DDX10: variants seen among roughly 807,000 people sequenced by gnomAD.
DDX10 encodes probable ATP-dependent RNA helicase DDX10.
DDX10 carries 74 observed loss-of-function variants against 104.3 expected under a neutral mutation model. The ratio of observed to expected loss-of-function variants is 0.71; its 90% CI spans 0.59 to 0.86. DDX10 has a LOEUF of 0.86. Among genes scored for constraint, DDX10 ranks in the 40% least tolerant of loss-of-function variants. The probability of loss-of-function intolerance (pLI) is 0.00; values close to 1 mark genes in which losing one functional copy is unlikely to be tolerated. For synonymous variants in DDX10, 351 were observed against 353.4 expected, an observed-to-expected ratio of 0.99 and a Z score of 0.08; for missense variants, 952 against 1,040.0, an observed-to-expected ratio of 0.92 and a Z score of 1.16.
chr11:108,920,260 T>G (rs1863805731), intron 17 of DDX10: 1 of 152,226 alleles, frequency 6.6e-6, no homozygotes, highest in African/African-American at 2.4e-5. Flanking sequence ...CATCTTAACT[T>G]AAAGACAAGG....
chr11:108,902,373 T>G (rs1863527779), intron 16 of DDX10, among the ~76,000 whole-genome samples: 2 of 152,152 alleles, frequency 1.3e-5, no homozygotes, highest in South Asian at 4.1e-4. Context: ...AACATACCTT[T>G]GGATTTCTTA....
At chr11:108,671,169 G>A (rs1208190709) in intron 1 of DDX10, among the ~76,000 whole-genome samples, 3 of 152,082 alleles carry the variant, frequency 2.0e-5, no homozygotes, top group African/African-American at 7.2e-5. Context: ...GAAGGAGAAA[G>A]AGTTATTTTT....
At chr11:108,774,927 T>G (rs1296723850) in intron 13 of DDX10, among the ~76,000 whole-genome samples, 4 of 152,174 alleles carry the variant, frequency 2.6e-5, no homozygotes, top group African/African-American at 7.2e-5. Context: ...CAAGAAGACA[T>G]ATCAATTTAT....
intron 13 of DDX10, among the ~76,000 whole-genome samples, chr11:108,733,109 CTT>C (rs750603316): frequency 2.9e-5 from 4 of 136,976 alleles, no homozygotes; most frequent in East Asian, 2.1e-4. Context: ...TTTAGTCCTA[CTT>C]TTTTTTTTTT....
chr11:108,826,317 T>G (rs1862394793), intron 13 of DDX10, among the ~76,000 whole-genome samples: 1 of 152,142 alleles, frequency 6.6e-6, no homozygotes. Flanking sequence ...TAAACAGAAA[T>G]GGCTGTCATA....
At chr11:108,683,865 ATTTG>A (rs2094238923) in intron 6 of DDX10, among the ~76,000 whole-genome samples, 1 of 152,140 alleles carries the variant, frequency 6.6e-6, no homozygotes, top group Non-Finnish European at 1.5e-5. Flanking sequence ...GGTTAGCAGT[ATTTG>A]TTTTTGGTGG....
chr11:108,788,308 C>T (rs570484456), intron 13 of DDX10, among the ~76,000 whole-genome samples: 1 of 151,966 alleles, frequency 6.6e-6, no homozygotes, highest in African/African-American at 2.4e-5. Context: ...GGCTTTGTTT[C>T]TGGGTGTTTA....
chr11:108,841,013 A>G (rs1862629979), intron 14 of DDX10, among the ~76,000 whole-genome samples: 1 of 152,174 alleles, frequency 6.6e-6, no homozygotes, highest in Non-Finnish European at 1.5e-5. Flanking sequence ...GGAGAATAGG[A>G]TACTAAGAAT....
chr11:108,704,966 A>G (rs547052864), intron 9 of DDX10, among the ~76,000 whole-genome samples: 23 of 152,262 alleles, frequency 1.5e-4, no homozygotes, highest in African/African-American at 5.5e-4. Flanking sequence ...TTTAGGTCTT[A>G]GTTTAGATGT....
intron 13 of DDX10, among the ~76,000 whole-genome samples, chr11:108,748,199 A>C (rs1457149826): frequency 3.9e-5 from 6 of 152,192 alleles, no homozygotes; most frequent in African/African-American, 1.4e-4. Context: ...GCTCCTACAG[A>C]AAGTATGCAG....
Position 108,731,464 on chromosome 11 carries a change from T to C in DDX10, c.1965+8002T>C, listed in dbSNP as rs551863457. Among the ~76,000 whole-genome samples, 11 of 152,304 alleles carry C rather than the reference T, an allele frequency of 7.2e-5. No homozygotes were observed. In the South Asian group the frequency reaches 2.3e-3, roughly 32 times the overall value. On this transcript the variant is annotated intron_variant, in intron 13 of 17. Coordinates refer to ENST00000322536, the MANE Select transcript of DDX10 (RefSeq NM_004398.4). Reference sequence around the variant, plus strand: ...TATCTTTTGATTCTTCTCCATGTTTTTAAGCAATTGGTTTTGAATGTGACC... The same window carrying C: ...TATCTTTTGATTCTTCTCCATGTTTCTAAGCAATTGGTTTTGAATGTGACC...
At chr11:108,843,391 C>CTTTTTT (rs71050891) in intron 15 of DDX10, among the ~76,000 whole-genome samples, 2 of 137,738 alleles carry the variant, frequency 1.5e-5, no homozygotes, top group Admixed American at 7.3e-5. Flanking sequence ...CTTGCACATC[C>CTTTTTT]TTTTTTTTTT....
rs116301876 is a variant in DDX10, at chr11:108,816,321, A to G, written c.1966-22125A>G. ...ATATATGTCCTGAGCCTGTTCTACTATTGTAAACTTCTTTTAACTAGTTGT... is the reference window on the plus strand; with the variant it reads ...ATATATGTCCTGAGCCTGTTCTACTGTTGTAAACTTCTTTTAACTAGTTGT... On this transcript the variant is annotated intron_variant, in intron 13 of 17. Coordinates refer to ENST00000322536, the MANE Select transcript of DDX10 (RefSeq NM_004398.4). 9.7e-3 allele frequency among the ~76,000 whole-genome samples: 1,476 copies of G among 152,274 alleles called. 22 individuals are homozygous for G. The highest frequency in any genetic ancestry group is 0.034 in the African/African-American group (1,415 of 41,560).
chr11:108,790,308 G>A (rs1861853002), intron 13 of DDX10, among the ~76,000 whole-genome samples: 1 of 152,130 alleles, frequency 6.6e-6, no homozygotes, highest in Admixed American at 6.5e-5. Context: ...CTCTGGATAG[G>A]CAGTTTTATT....
intron 17 of DDX10, chr11:108,920,257 A>G (rs764982134): frequency 2.0e-5 from 3 of 152,244 alleles, no homozygotes; most frequent in Non-Finnish European, 2.9e-5. Flanking sequence ...AAGCATCTTA[A>G]CTTAAAGACA....
At position 108,850,909 on chromosome 11, in the gene DDX10, A is replaced by G. The variant is rs536288534; in HGVS notation, c.2248-1244A>G. On this transcript the variant is annotated intron_variant, in intron 15 of 17. Transcript: ENST00000322536. ...TTCCATTTTTCATCTATAGAATGGG[A>G]ATAGTAATACCTTTATAAGTTCTGT... 6.6e-5 allele frequency among the ~76,000 whole-genome samples: 10 copies of G among 152,326 alleles called. No individual in the cohort carries two copies. In the South Asian group the frequency reaches 2.1e-3, roughly 32 times the overall value.
chr11:108,685,910 A>G (rs2094243351), intron 6 of DDX10, among the ~76,000 whole-genome samples: 1 of 152,170 alleles, frequency 6.6e-6, no homozygotes, highest in Admixed American at 6.5e-5. Flanking sequence ...CTCCTTAGAC[A>G]TCCCAGTAAA....
intron 16 of DDX10, among the ~76,000 whole-genome samples, chr11:108,884,397 G>C (rs918816132): frequency 3.0e-4 from 45 of 151,998 alleles, no homozygotes; most frequent in Non-Finnish European, 5.7e-4. Context: ...TGGACCATCC[G>C]CACTCTGCCT....
chr11:108,842,604 GA>G (rs1862655298), intron 15 of DDX10, among the ~76,000 whole-genome samples: 1 of 152,216 alleles, frequency 6.6e-6, no homozygotes, highest in South Asian at 2.1e-4. Flanking sequence ...TGAATGTTGA[GA>G]AAAGCATTCC....
Sources: allele counts gnomAD v4.1 joint callset (sites outside exome capture counted in the v4.1 genomes callset), GRCh38; gene constraint gnomAD v4.1.1; transcripts MANE v1.5; gene names NCBI Gene and HGNC (gene_info 2026-07-23, HGNC 2026-07-21).